Variants in PTCHD4 observed in about 807,000 individuals in gnomAD.
PTCHD4 encodes patched domain containing 4.
In PTCHD4, 33 loss-of-function variants were observed where a neutral mutation model predicts 58.1. That is an observed-to-expected ratio of 0.57 (90% confidence interval 0.43 to 0.76). PTCHD4 has a LOEUF of 0.76. Ranked by LOEUF, PTCHD4 falls within the 30% of genes least tolerant of loss-of-function variation. The pLI is 0.00. For missense variants in PTCHD4, 1,058 were observed against 1,027.1 expected (o/e 1.03, Z -0.41); for synonymous variants, 478 against 409.6 (o/e 1.17, Z -2.02).
At chr6:48,034,184 T>A (rs186254391) in intron 3 of PTCHD4, among the ~76,000 whole-genome samples, 2 of 152,264 alleles carry the variant, frequency 1.3e-5, no homozygotes, top group Admixed American at 6.5e-5. Context: ...AGTTTGGGTA[T>A]ACTGTAAGCT....
At chr6:47,912,747 C>T (rs554557336) in intron 4 of PTCHD4, among the ~76,000 whole-genome samples, 4 of 152,056 alleles carry the variant, frequency 2.6e-5, no homozygotes, top group African/African-American at 7.2e-5. Flanking sequence ...TAATATAATT[C>T]ATTGAACTAT....
At chr6:48,092,971 T>C (rs1477494713) in intron 1 of PTCHD4, among the ~76,000 whole-genome samples, 2 of 152,216 alleles carry the variant, frequency 1.3e-5, no homozygotes, top group African/African-American at 2.4e-5. Flanking sequence ...CTCTGTGGAA[T>C]TCTTTTTATT....
chr6:48,103,726 C>T (rs1038460181), intron 1 of PTCHD4, among the ~76,000 whole-genome samples: 1 of 152,010 alleles, frequency 6.6e-6, no homozygotes, highest in Non-Finnish European at 1.5e-5. Flanking sequence ...GAATGGCTAA[C>T]TAGAATAAGC....
intron 4 of PTCHD4, among the ~76,000 whole-genome samples, chr6:47,886,484 T>TTAA (rs1554149652): frequency 6.6e-6 from 1 of 151,058 alleles, no homozygotes; most frequent in African/African-American, 2.4e-5. Context: ...AAATAGAGGT[T>TTAA]AAAAAAAAAT....
At chr6:47,938,599 A>G (rs1264248308) in intron 4 of PTCHD4, among the ~76,000 whole-genome samples, 1 of 152,184 alleles carries the variant, frequency 6.6e-6, no homozygotes, top group Non-Finnish European at 1.5e-5. Context: ...TAGTGAATGG[A>G]CTGGGGATGC....
In PTCHD4 at chr6:47,879,833, C is replaced by A; in HGVS notation, c.1002G>T (p.Met334Ile). The A allele has an allele frequency of 6.2e-7, 1 of 1,612,750 alleles. No individual in the cohort carries two copies. The highest frequency in any genetic ancestry group is 8.5e-7 in the Non-Finnish European group (1 of 1,179,400). ...GGGAGCTGGTCATGGTATAGGTGAC[C>A]ATCACATCAGAATAGGCATCTGCTA... ...DRIADAYSDV[M>I]VTYTMTSSLY... The change falls in exon 5 of 5, where the codon ATG (methionine) becomes ATT (isoleucine). Residue 334 changes from methionine (M) to isoleucine (I), a missense_variant. Met to Ile is a conservative substitution (Grantham distance 10, BLOSUM62 1). Transcript: ENST00000339488.
chr6:48,003,836 G>A (rs1406483919), intron 4 of PTCHD4, among the ~76,000 whole-genome samples: 1 of 152,068 alleles, frequency 6.6e-6, no homozygotes, highest in Admixed American at 6.6e-5. Context: ...CTCTTCTTCA[G>A]CTTCGCCAAG....
At chr6:48,086,649 A>G (rs1765271263) in intron 1 of PTCHD4, among the ~76,000 whole-genome samples, 1 of 152,212 alleles carries the variant, frequency 6.6e-6, no homozygotes, top group African/African-American at 2.4e-5. Context: ...GTCTATGAGT[A>G]GGAGACAGTA....
chr6:47,949,459 T>A (rs1223211013), intron 4 of PTCHD4, among the ~76,000 whole-genome samples: 3 of 152,154 alleles, frequency 2.0e-5, no homozygotes, highest in African/African-American at 7.2e-5. Context: ...CCCTGAAGGC[T>A]GATCTATGTA....
intron 4 of PTCHD4, among the ~76,000 whole-genome samples, chr6:47,957,611 T>A (rs937823636): frequency 6.6e-6 from 1 of 150,896 alleles, no homozygotes; most frequent in Non-Finnish European, 1.5e-5. Context: ...TTTTTATTTT[T>A]TTTTTTGGAG....
intron 4 of PTCHD4, among the ~76,000 whole-genome samples, chr6:47,990,067 G>A (rs2114031370): frequency 6.6e-6 from 1 of 152,290 alleles, no homozygotes; most frequent in African/African-American, 2.4e-5. Flanking sequence ...TGGAGTCAAA[G>A]GAGATAATTT....
intron 4 of PTCHD4, among the ~76,000 whole-genome samples, chr6:48,002,761 A>C (rs1313184411): frequency 6.6e-6 from 1 of 151,376 alleles, no homozygotes; most frequent in African/African-American, 2.4e-5. Flanking sequence ...AAGTATAATA[A>C]TAATAATAAT....
At chr6:48,094,930 T>C (rs556548581) in intron 1 of PTCHD4, among the ~76,000 whole-genome samples, 2 of 152,168 alleles carry the variant, frequency 1.3e-5, no homozygotes, top group Non-Finnish European at 2.9e-5. Context: ...TGATTCTACT[T>C]ATGTAAAACT....
intron 1 of PTCHD4, among the ~76,000 whole-genome samples, chr6:48,079,963 T>C (rs1765131379): frequency 1.4e-5 from 2 of 147,472 alleles, no homozygotes; most frequent in Admixed American, 1.4e-4. Context: ...CCCTGCCCCT[T>C]ATGATGATTT....
chr6:47,954,248 T>A (rs534714821), intron 4 of PTCHD4, among the ~76,000 whole-genome samples: 1 of 152,120 alleles, frequency 6.6e-6, no homozygotes, highest in Non-Finnish European at 1.5e-5. Flanking sequence ...TCCCAGCTAC[T>A]CTGGAGGCTG....
intron 4 of PTCHD4, among the ~76,000 whole-genome samples, chr6:47,945,862 C>A (rs535474365): frequency 4.0e-4 from 60 of 151,484 alleles, no homozygotes; most frequent in Admixed American, 1.3e-3. Flanking sequence ...TTCTTAGTGA[C>A]CTTATATTTT....
intron 4 of PTCHD4, among the ~76,000 whole-genome samples, chr6:47,983,709 C>T (rs186673762): frequency 1.3e-5 from 2 of 152,128 alleles, no homozygotes; most frequent in Admixed American, 1.3e-4. Flanking sequence ...GCAAAATATG[C>T]GAACAGTTGA....
rs936711821 is a variant in PTCHD4, at chr6:48,069,055, G to A, written c.-98C>T. On this transcript the variant is annotated 5_prime_UTR_variant, in exon 2 of 5. Transcript: ENST00000339488. ...CCGTGTGGAGCGTCCCACAGATGTG[G>A]ATTTCCTCTCTGTCTTGGTGGGGTT... Among the ~76,000 whole-genome samples the A allele has an allele frequency of 1.4e-5, 2 of 145,662 alleles. No homozygotes were observed. Among genetic ancestry groups the A allele is most frequent in the African/African-American group, 5.1e-5 (2 of 39,602 alleles).
rs547065427 is a variant in PTCHD4, at chr6:48,106,402, T to C, written c.-970+4647A>G. 3.8e-4 allele frequency among the ~76,000 whole-genome samples: 58 copies of C among 152,194 alleles called. No homozygotes were observed. In the South Asian group the frequency reaches 0.011, roughly 28 times the overall value. On this transcript the variant is annotated intron_variant, in intron 1 of 4. Coordinates refer to ENST00000339488, the MANE Select transcript of PTCHD4 (RefSeq NM_001384253.1). ...AAAGACCTTTGACAAAATTCAACAATGCTTCACGCTAAAAATTCTCAATAA... is the reference window on the plus strand; with the variant it reads ...AAAGACCTTTGACAAAATTCAACAACGCTTCACGCTAAAAATTCTCAATAA...
Sources: allele counts gnomAD v4.1 joint callset (sites outside exome capture counted in the v4.1 genomes callset), GRCh38; gene constraint gnomAD v4.1.1; transcripts MANE v1.5; gene names NCBI Gene and HGNC (gene_info 2026-07-23, HGNC 2026-07-21).